Variants in ENTREP2 observed in about 807,000 individuals in gnomAD.
ENTREP2 encodes protein ENTREP2.
the ENTREP2 span, among the ~76,000 whole-genome samples, chr15:29,312,432 G>A: frequency 1.3e-5 from 2 of 152,184 alleles, no homozygotes; most frequent in African/African-American, 4.8e-5. Flanking sequence ...ATGCTTCACA[G>A]ATGTTGAGTT....
chr15:29,436,345 G>A, the ENTREP2 span, among the ~76,000 whole-genome samples: 9 of 152,200 alleles, frequency 5.9e-5, no homozygotes, highest in Non-Finnish European at 1.2e-4. Flanking sequence ...TCACCCTCCA[G>A]AGGACATGGA....
chr15:29,486,898 G>A, the ENTREP2 span, among the ~76,000 whole-genome samples: 2 of 152,166 alleles, frequency 1.3e-5, no homozygotes, highest in Non-Finnish European at 2.9e-5. Context: ...GTACCAGTGA[G>A]GGGAGGATGA....
chr15:29,361,376 C>G, the ENTREP2 span, among the ~76,000 whole-genome samples: 1 of 152,258 alleles, frequency 6.6e-6, no homozygotes, highest in East Asian at 1.9e-4. Flanking sequence ...TTGTCTTGGG[C>G]CAATGTATAA....
the ENTREP2 span, among the ~76,000 whole-genome samples, chr15:29,248,271 A>T: frequency 8.4e-3 from 1,287 of 152,316 alleles, 19 homozygotes; most frequent in African/African-American, 0.03. Context: ...CCAGGAAGTT[A>T]TTGGGGTAGC....
chr15:29,175,845 A>G, the ENTREP2 span, among the ~76,000 whole-genome samples: 1 of 152,214 alleles, frequency 6.6e-6, no homozygotes. Context: ...TGACCTCGTG[A>G]TCCACCCGCC....
chr15:29,605,381 A>C, the ENTREP2 span, among the ~76,000 whole-genome samples: 1 of 152,156 alleles, frequency 6.6e-6, no homozygotes, highest in Non-Finnish European at 1.5e-5. Context: ...AGGACAGTCT[A>C]TGCATACACA....
At chr15:29,570,058 A>ACCCCCCACCCCACCCCCC in the ENTREP2 span, 2 of 50,430 alleles carry the variant, frequency 4.0e-5, no homozygotes, top group East Asian at 1.3e-3. Context: ...CCCACCCCCC[A>ACCCCCCACCCCACCCCCC]CCCCCACCGC....
chr15:29,252,749 TA>T, the ENTREP2 span, among the ~76,000 whole-genome samples: 8 of 152,204 alleles, frequency 5.3e-5, no homozygotes. Flanking sequence ...TTTAAGGAGT[TA>T]AACTTGAAAG....
chr15:29,362,480 T>C, the ENTREP2 span, among the ~76,000 whole-genome samples: 15 of 149,560 alleles, frequency 1.0e-4, no homozygotes, highest in Non-Finnish European at 2.1e-4. Context: ...GTTCAAGAGA[T>C]TCTCCTGCCT....
chr15:29,459,381 T>C, the ENTREP2 span, among the ~76,000 whole-genome samples: 3 of 152,002 alleles, frequency 2.0e-5, no homozygotes, highest in East Asian at 3.9e-4. Flanking sequence ...GAGAGATGAG[T>C]CCCATCATCT....
chr15:29,620,037 G>A, the ENTREP2 span, among the ~76,000 whole-genome samples: 115 of 152,282 alleles, frequency 7.6e-4, no homozygotes, highest in Admixed American at 3.2e-3. Context: ...GGATGATATA[G>A]AATGTGGGGG....
the ENTREP2 span, among the ~76,000 whole-genome samples, chr15:29,179,205 A>T: frequency 6.6e-6 from 1 of 152,256 alleles, no homozygotes; most frequent in Admixed American, 6.5e-5. Context: ...CTCTAAGTAA[A>T]TAGTATGAAT....
chr15:29,438,691 G>C, the ENTREP2 span, among the ~76,000 whole-genome samples: 2 of 152,016 alleles, frequency 1.3e-5, no homozygotes, highest in African/African-American at 4.8e-5. Flanking sequence ...GTACATTTTT[G>C]TTTTTTGCTG....
the ENTREP2 span, among the ~76,000 whole-genome samples, chr15:29,200,950 G>A: frequency 0.42 from 64,027 of 151,974 alleles, 14,346 homozygotes; most frequent in African/African-American, 0.56. Flanking sequence ...TGTTAACGCA[G>A]TTTTCAGTGT....
chr15:29,255,507 C>G, the ENTREP2 span, among the ~76,000 whole-genome samples: 1 of 152,216 alleles, frequency 6.6e-6, no homozygotes, highest in Middle Eastern at 3.4e-3. Context: ...ACCCAGCAAT[C>G]CCATTACTAG....
the ENTREP2 span, chr15:29,195,254 G>C: frequency 1.0e-6 from 1 of 985,230 alleles, no homozygotes; most frequent in Non-Finnish European, 1.2e-6. Context: ...CTGTGAGCCA[G>C]GCGTAGTCCT....
chr15:29,203,547 A>C, the ENTREP2 span, among the ~76,000 whole-genome samples: 9 of 152,174 alleles, frequency 5.9e-5, no homozygotes, highest in Non-Finnish European at 1.2e-4. Flanking sequence ...TCTAATGATC[A>C]GTGATGATGA....
chr15:29,256,239 T>C, the ENTREP2 span, among the ~76,000 whole-genome samples: 2 of 152,136 alleles, frequency 1.3e-5, no homozygotes, highest in Non-Finnish European at 2.9e-5. Context: ...CTGTGCTCAC[T>C]AACTGGGTGA....
At chr15:29,172,616 A>T in the ENTREP2 span, among the ~76,000 whole-genome samples, 1 of 152,112 alleles carries the variant, frequency 6.6e-6, no homozygotes, top group East Asian at 1.9e-4. Context: ...AGAGAGGACA[A>T]TAGGAACACA....
Sources: gnomAD v4.1 joint callset for allele counts (sites outside exome capture counted in the v4.1 genomes callset) on GRCh38, gnomAD v4.1.1 for gene constraint, MANE v1.5 for transcripts, NCBI Gene and HGNC (gene_info 2026-07-23, HGNC 2026-07-21) for gene names.